The following C10orf71 variants were observed in gnomAD, a reference collection of about 807,000 sequenced individuals.
C10orf71 encodes cardiac-enriched FHL2-interacting protein.
For synonymous variants in C10orf71, 758 were observed against 726.3 expected, an observed-to-expected ratio of 1.04 and a Z score of -0.70; for missense variants, 1,869 against 1,804.5, an observed-to-expected ratio of 1.04 and a Z score of -0.65.
At chr10:49,311,396 C>T (rs889222723) in intron 1 of C10orf71, among the ~76,000 whole-genome samples, 2 of 152,214 alleles carry the variant, frequency 1.3e-5, no homozygotes, top group South Asian at 2.1e-4. Context: ...CAGCCAGGAG[C>T]CCCGAGGAAG....
At chr10:49,300,623 G>A (rs1590320098) in intron 1 of C10orf71, among the ~76,000 whole-genome samples, 1 of 152,134 alleles carries the variant, frequency 6.6e-6, no homozygotes, top group Admixed American at 6.5e-5. Context: ...TTGCTGTCAC[G>A]GTGCTGGGAG....
chr10:49,317,822 G>T (rs1464681206), intron 2 of C10orf71, among the ~76,000 whole-genome samples: 1 of 152,176 alleles, frequency 6.6e-6, no homozygotes, highest in African/African-American at 2.4e-5. Context: ...CTACACTCCA[G>T]CCTGGGTGAC....
intron 1 of C10orf71, among the ~76,000 whole-genome samples, chr10:49,310,467 G>T (rs1045286310): frequency 2.6e-5 from 4 of 152,138 alleles, no homozygotes; most frequent in African/African-American, 9.7e-5. Context: ...AAGGTGGTGA[G>T]CCCAGGCTGA....
intron 1 of C10orf71, among the ~76,000 whole-genome samples, chr10:49,307,331 C>T (rs1194409677): frequency 2.6e-5 from 4 of 152,186 alleles, no homozygotes; most frequent in Non-Finnish European, 5.9e-5. Flanking sequence ...GCAGAGAACA[C>T]CTGAGAGAGT....
At chr10:49,307,164 C>T (rs1051746541) in intron 1 of C10orf71, among the ~76,000 whole-genome samples, 1 of 152,228 alleles carries the variant, frequency 6.6e-6, no homozygotes, top group African/African-American at 2.4e-5. Context: ...GCCAGCATGG[C>T]TGCTCCTATA....
In C10orf71 at chr10:49,323,288, C is replaced by G. The variant is rs1564690146; in HGVS notation, c.743C>G (p.Ser248Ter). The G allele has an allele frequency of 6.2e-7, 1 of 1,613,830 alleles. No individual in the cohort carries two copies. The highest frequency in any genetic ancestry group is 8.5e-7 in the Non-Finnish European group (1 of 1,179,818). The stretch of plus-strand genomic sequence containing the variant: ...AATGACACGGCCACCTTATGTGAGT[C>G]AAAGTTCCCCTCTCCACACCACAAG... ...AANDTATLCE[S>*]KFPSPHHKPV... Residue 248 changes from serine to a stop codon, truncating the protein, a stop_gained, in exon 3 of 3, where the codon TCA becomes TGA. Coordinates refer to ENST00000374144, the MANE Select transcript of C10orf71 (RefSeq NM_001135196.2). LOFTEE classifies it low-confidence loss of function (END_TRUNC).
chr10:49,320,065 A>G (rs1478452763), intron 2 of C10orf71, among the ~76,000 whole-genome samples: 2 of 152,126 alleles, frequency 1.3e-5, no homozygotes, highest in African/African-American at 4.8e-5. Flanking sequence ...GATTGCATGA[A>G]CATACGAATA....
intron 1 of C10orf71, among the ~76,000 whole-genome samples, chr10:49,313,478 G>A (rs1036414635): frequency 2.6e-5 from 4 of 152,178 alleles, no homozygotes. Context: ...GAAAGCCATC[G>A]AGAGATTCTA....
intron 1 of C10orf71, among the ~76,000 whole-genome samples, chr10:49,300,597 A>C (rs879672371): frequency 6.6e-6 from 1 of 152,044 alleles, no homozygotes; most frequent in Admixed American, 6.6e-5. Context: ...CCTGGCTGAT[A>C]CAGGAAATGT....
rs1034720710 is a variant in C10orf71 at position 49,323,139 on chromosome 10, G to A, written c.594G>A (p.Val198=). Residue 198 remains valine (V), a synonymous_variant, in exon 3 of 3, where the codon GTG becomes GTA. Coordinates refer to ENST00000374144, the MANE Select transcript of C10orf71 (RefSeq NM_001135196.2). ...CTGCCTTTCTGACAGTCAGGAGGGT[G>A]CCCGCTGAAGTTTCCAACACCCATC... ...FDSAFLTVRR[V]PAEVSNTHQN... 2.5e-6 allele frequency: 4 copies of A among 1,613,978 alleles called. No homozygotes were observed. Among genetic ancestry groups the A allele is most frequent in the Non-Finnish European group, 3.4e-6 (4 of 1,179,892 alleles).
chr10:49,313,006 C>G (rs1848941519), intron 1 of C10orf71, among the ~76,000 whole-genome samples: 2 of 152,174 alleles, frequency 1.3e-5, no homozygotes, highest in African/African-American at 4.8e-5. Flanking sequence ...ATATTGCTTG[C>G]ACTGTGCACT....
At chr10:49,300,461 CAAAAAAAA>C (rs60669434) in intron 1 of C10orf71, among the ~76,000 whole-genome samples, 1 of 108,582 alleles carries the variant, frequency 9.2e-6, no homozygotes, top group Non-Finnish European at 2.0e-5. Flanking sequence ...CAATTTAATA[CAAAAAAAA>C]AAAAAAAAAA....
rs150834256 is a variant in C10orf71 at position 49,324,909 on chromosome 10, C to A, written c.2364C>A (p.His788Gln). ...ELQYCALSNG[H>Q]ACLENRSQGE... ...AGTACTGTGCCTTAAGCAATGGGCACGCATGCCTGGAAAACCGCAGCCAGG... is the reference window on the plus strand; with the variant it reads ...AGTACTGTGCCTTAAGCAATGGGCAAGCATGCCTGGAAAACCGCAGCCAGG... Residue 788 changes from histidine to glutamine, a missense_variant, in exon 3 of 3, where the codon CAC becomes CAA. Coordinates refer to ENST00000374144, the MANE Select transcript of C10orf71 (RefSeq NM_001135196.2). The A allele has an allele frequency of 3.2e-6, 5 of 1,550,630 alleles. No individual in the cohort carries two copies. Among genetic ancestry groups the A allele is most frequent in the Admixed American group, 3.9e-5 (2 of 50,974 alleles).
In C10orf71 at chr10:49,323,126, C is replaced by T. The variant is rs370110144; in HGVS notation, c.581C>T (p.Thr194Ile). 1.9e-5 allele frequency: 30 copies of T among 1,614,018 alleles called. No individual in the cohort carries two copies. In the Middle Eastern group the frequency reaches 6.6e-4, roughly 36 times the overall value. ...VNFCFDSAFL[T>I]VRRVPAEVSN... ...TTCTGCTTCGATTCTGCCTTTCTGA[C>T]AGTCAGGAGGGTGCCCGCTGAAGTT... Residue 194 changes from threonine (T) to isoleucine (I), a missense_variant, in exon 3 of 3, where the codon ACA (threonine) becomes ATA (isoleucine). Transcript: ENST00000374144.
intron 2 of C10orf71, among the ~76,000 whole-genome samples, chr10:49,321,837 A>G (rs1455668292): frequency 6.6e-6 from 1 of 152,000 alleles, no homozygotes; most frequent in Non-Finnish European, 1.5e-5. Flanking sequence ...CCTGTTTGCC[A>G]TTTCTATGTC....
rs1849279902 is a variant in C10orf71, at chr10:49,327,206, C to T, written c.*353C>T. On this transcript the variant is annotated 3_prime_UTR_variant, in exon 3 of 3. Transcript: ENST00000374144. ...CGCCCTGCAAATTAGGTGGGTGTGG[C>T]AAGGGCACCGCCTGGTCCCAAGTGT... 2 of 485,354 alleles carry T rather than the reference C, an allele frequency of 4.1e-6. No homozygotes were observed. Among genetic ancestry groups the T allele is most frequent in the Non-Finnish European group, 7.1e-6 (2 of 281,542 alleles). 30.1% of individuals were successfully genotyped at this position (485,354 alleles called of 1,614,324 possible).
rs750947211 is a variant in C10orf71 at position 49,324,083 on chromosome 10, C to T, written c.1538C>T (p.Thr513Ile). ...LKDVRKRVKS[T>I]YSSSPLLKVL... ...GACGTGCGGAAGCGTGTTAAGAGCA[C>T]ATACAGTTCCTCACCTCTCTTGAAA... Residue 513 changes from threonine to isoleucine, a missense_variant, in exon 3 of 3, where the codon ACA becomes ATA. Physicochemically the swap from Thr to Ile is moderately conservative, Grantham distance 89. Coordinates refer to ENST00000374144, the MANE Select transcript of C10orf71 (RefSeq NM_001135196.2). The T allele has an allele frequency of 5.6e-6, 9 of 1,613,962 alleles. No homozygotes were observed. In the South Asian group the frequency reaches 7.7e-5, roughly 14 times the overall value.
Position 49,326,595 on chromosome 10 carries a change from C to G in C10orf71, c.4050C>G (p.Arg1350=). The G allele has an allele frequency of 6.4e-7, 1 of 1,550,574 alleles. No individual in the cohort carries two copies. Among genetic ancestry groups the G allele is most frequent in the African/African-American group, 1.4e-5 (1 of 73,174 alleles). The part of the protein sequence containing the change: ...PVPVTALMPL[R]CSSQLSAPTF... ...CCGTGACGGCCTTGATGCCGCTGCG[C>G]TGCTCCTCTCAGCTCTCCGCGCCCA... The change falls in exon 3 of 3, where the codon CGC becomes CGG. Residue 1350 remains arginine, a synonymous_variant. Coordinates refer to ENST00000374144, the MANE Select transcript of C10orf71 (RefSeq NM_001135196.2).
In C10orf71 at chr10:49,326,939, A is replaced by ACACACACACACACC. The variant is rs1849270602; in HGVS notation, c.*99_*100insCCACACACACACAC. The ACACACACACACACC allele has an allele frequency of 6.4e-7, 1 of 1,550,534 alleles. No individual in the cohort carries two copies. Among genetic ancestry groups the ACACACACACACACC allele is most frequent in the African/African-American group, 1.4e-5 (1 of 71,706 alleles). ...CAAAACAAGCAACACACACACACAC[A>ACACACACACACACC]CACACACACACACACACACACACGA... is the stretch of plus-strand genomic sequence containing the variant. On this transcript the variant is annotated 3_prime_UTR_variant, in exon 3 of 3. Transcript: ENST00000374144.
Sources: gnomAD v4.1 joint callset for allele counts (sites outside exome capture counted in the v4.1 genomes callset) on GRCh38, gnomAD v4.1.1 for gene constraint, MANE v1.5 for transcripts, NCBI Gene and HGNC (gene_info 2026-07-23, HGNC 2026-07-21) for gene names.